DNAH3: variants seen among roughly 807,000 people sequenced by gnomAD.
DNAH3 encodes dynein axonemal heavy chain 3, also known as axonemal beta dynein heavy chain 3.
Under a neutral mutation model 432.5 loss-of-function variants are expected in DNAH3, and 332 were observed. The ratio of observed to expected loss-of-function variants is 0.77; its 90% CI spans 0.70 to 0.84. DNAH3 has a LOEUF of 0.84. Among genes scored for constraint, DNAH3 ranks in the 40% least tolerant of loss-of-function variants. The probability of loss-of-function intolerance (pLI) is 0.00; values close to 1 mark genes in which losing one functional copy is unlikely to be tolerated. For synonymous variants in DNAH3, 1,956 were observed against 1,900.2 expected (o/e 1.03, Z -0.76); for missense variants, 4,861 against 5,114.0 (o/e 0.95, Z 1.51).
chr16:21,094,439 G>C (rs1394698147), intron 18 of DNAH3, among the ~76,000 whole-genome samples: 1 of 152,090 alleles, frequency 6.6e-6, no homozygotes, highest in East Asian at 1.9e-4. Context: ...GGGAGGCCGA[G>C]GCAGGTGGAT....
intron 1 of DNAH3, among the ~76,000 whole-genome samples, chr16:21,148,108 C>A (rs542167732): frequency 6.6e-6 from 1 of 152,224 alleles, no homozygotes; most frequent in East Asian, 1.9e-4. Context: ...CATGCAAGAT[C>A]ACTGATGAGG....
chr16:21,079,721 C>A (rs1411855993), intron 20 of DNAH3, among the ~76,000 whole-genome samples: 2 of 152,196 alleles, frequency 1.3e-5, no homozygotes, highest in South Asian at 4.1e-4. Flanking sequence ...TAGCTAGTGT[C>A]TCTTGGAAAC....
At chr16:20,936,350 T>C (rs2083589200) in intron 60 of DNAH3, among the ~76,000 whole-genome samples, 1 of 152,062 alleles carries the variant, frequency 6.6e-6, no homozygotes, top group Non-Finnish European at 1.5e-5. Context: ...GAGACGGGGT[T>C]TCACCATGCT....
At chr16:21,002,866 AC>A in intron 42 of DNAH3, among the ~76,000 whole-genome samples, 1 of 152,288 alleles carries the variant, frequency 6.6e-6, no homozygotes, top group African/African-American at 2.4e-5. Context: ...AACCTCTGCA[AC>A]CATAAATGTT....
intron 27 of DNAH3, among the ~76,000 whole-genome samples, chr16:21,056,760 C>A (rs2090150675): frequency 1.3e-5 from 2 of 152,160 alleles, no homozygotes; most frequent in African/African-American, 4.8e-5. Context: ...GGGAAACATT[C>A]TCCCTAACTA....
At chr16:21,074,294 C>A (rs1567744684) in intron 21 of DNAH3, among the ~76,000 whole-genome samples, 1 of 152,094 alleles carries the variant, frequency 6.6e-6, no homozygotes, top group African/African-American at 2.4e-5. Context: ...TGAGAAAAAC[C>A]AGGGGTGCCT....
At chr16:21,070,937 T>A (rs557485251) in intron 21 of DNAH3, 111 bp from the exon 22 acceptor site, 10 of 684,098 alleles carry the variant, frequency 1.5e-5, no homozygotes, top group Non-Finnish European at 2.6e-5. Flanking sequence ...CAGGCCTGAG[T>A]GCAATGGCTC....
intron 41 of DNAH3, among the ~76,000 whole-genome samples, chr16:21,015,204 T>C (rs1173805851): frequency 6.6e-6 from 1 of 152,118 alleles, no homozygotes; most frequent in Non-Finnish European, 1.5e-5. Context: ...ATACATACAA[T>C]GAAATATTAT....
At chr16:21,152,584 G>C (rs987050158) in intron 1 of DNAH3, among the ~76,000 whole-genome samples, 1 of 152,250 alleles carries the variant, frequency 6.6e-6, no homozygotes, top group Non-Finnish European at 1.5e-5. Context: ...TCAGCTTGCA[G>C]GCAGGTGTGG....
At chr16:21,083,051 C>T (rs569008068) in intron 19 of DNAH3, among the ~76,000 whole-genome samples, 1 of 148,548 alleles carries the variant, frequency 6.7e-6, no homozygotes, top group South Asian at 2.1e-4. Context: ...GAGTCTCGCT[C>T]TGTCACCCAG....
chr16:21,097,260 G>A (rs1217843449), intron 18 of DNAH3, 95 bp downstream of exon 18: 7 of 1,434,948 alleles, frequency 4.9e-6, no homozygotes, highest in East Asian at 2.3e-5. Context: ...TAAAAGTCCA[G>A]CCAGATTCTT....
At chr16:20,976,811 G>A (rs768674808) in intron 50 of DNAH3, among the ~76,000 whole-genome samples, 29 of 152,296 alleles carry the variant, frequency 1.9e-4, no homozygotes, top group East Asian at 3.9e-4. Context: ...AAAGGCAGCC[G>A]TCTGCAAACC....
intron 31 of DNAH3, among the ~76,000 whole-genome samples, chr16:21,044,965 C>G (rs1209793554): frequency 1.3e-5 from 2 of 150,872 alleles, no homozygotes; most frequent in Non-Finnish European, 2.9e-5. Flanking sequence ...TGTTTATATG[C>G]TGGATTACAT....
intron 37 of DNAH3, among the ~76,000 whole-genome samples, chr16:21,029,800 C>T (rs1448174129): frequency 2.6e-5 from 4 of 152,176 alleles, no homozygotes; most frequent in Admixed American, 2.0e-4. Flanking sequence ...TTGTGTTGGG[C>T]AAGTTACATA....
chr16:21,117,163 C>T, intron 12 of DNAH3, 40 bp downstream of exon 12: 2 of 1,429,260 alleles, frequency 1.4e-6, no homozygotes, highest in Non-Finnish European at 1.9e-6. Context: ...AAATCAATCC[C>T]AAAAAGCTAC....
intron 28 of DNAH3, 75 bp downstream of exon 28, chr16:21,054,345 G>T (rs1401538799): frequency 1.7e-6 from 2 of 1,149,768 alleles, no homozygotes; most frequent in African/African-American, 3.0e-5. Context: ...ATTCCGTCCA[G>T]GAGAACTGAG....
At chr16:20,986,599 C>T (rs2086210037) in intron 47 of DNAH3, among the ~76,000 whole-genome samples, 1 of 152,142 alleles carries the variant, frequency 6.6e-6, no homozygotes, top group Non-Finnish European at 1.5e-5. Context: ...CATTGGTGAT[C>T]AGTTTGTACG....
At chr16:20,968,131 G>A (rs976110565) in intron 52 of DNAH3, among the ~76,000 whole-genome samples, 2 of 152,106 alleles carry the variant, frequency 1.3e-5, no homozygotes, top group Admixed American at 6.5e-5. Flanking sequence ...ATCAGTGGCA[G>A]GATCACGGCT....
At chr16:21,155,921 A>C (rs1229223607) in intron 1 of DNAH3, among the ~76,000 whole-genome samples, 1 of 152,166 alleles carries the variant, frequency 6.6e-6, no homozygotes, top group East Asian at 1.9e-4. Flanking sequence ...GGCCTAAAAT[A>C]GTTGTTTAAG....
Sources: allele counts gnomAD v4.1 joint callset (sites outside exome capture counted in the v4.1 genomes callset), GRCh38; gene constraint gnomAD v4.1.1; transcripts MANE v1.5; gene names NCBI Gene and HGNC (gene_info 2026-07-23, HGNC 2026-07-21).